The following ABCG1 variants were observed in gnomAD, a reference collection of about 807,000 sequenced individuals.
ABCG1 encodes the protein ATP binding cassette subfamily G member 1.
ABCG1 carries 29 observed loss-of-function variants against 69.2 expected under a neutral mutation model. The observed-to-expected ratio is 0.42, with a 90% CI of 0.31 to 0.57. The LOEUF (loss-of-function observed/expected upper bound fraction) is 0.57. Ranked by LOEUF, ABCG1 falls within the 20% of genes least tolerant of loss-of-function variation. The pLI, the probability that ABCG1 is intolerant of heterozygous loss-of-function variation, is 0.15. For missense variants in ABCG1, 718 were observed against 898.1 expected (o/e 0.80, Z 2.56); for synonymous variants, 370 against 374.8 (o/e 0.99, Z 0.15).
chr21:42,221,722 C>A (rs780911101), intron 1 of ABCG1, among the ~76,000 whole-genome samples: 1 of 152,220 alleles, frequency 6.6e-6, no homozygotes, highest in East Asian at 1.9e-4. Flanking sequence ...AGCAGTGAAC[C>A]AAAGAGAGAA....
Position 42,296,044 on chromosome 21 carries a change from C to G in ABCG1, c.1773-120C>G, listed in dbSNP as rs2069202108. On this transcript the variant is annotated intron_variant, in intron 14 of 14. Transcript: ENST00000398449. This position sits in a 1 kb window ranked among gnomAD's most constrained non-coding sequence, Gnocchi z 5.4. The stretch of plus-strand genomic sequence containing the variant: ...AGGAAGTATTCTGGGGAAGGCGGCC[C>G]TTTGGGAAGGGAGGATAGCCAAGCT... The G allele has an allele frequency of 5.0e-6, 4 of 805,414 alleles. No individual in the cohort carries two copies. The East Asian group carries it at 7.7e-5, about 16-fold the overall frequency. 49.9% of individuals were successfully genotyped at this position (805,414 alleles called of 1,614,324 possible). A position where few individuals can be genotyped will look rare whatever the true frequency, so the allele number is the denominator to read the frequency against.
chr21:42,248,301 G>A (rs879430857), intron 2 of ABCG1, among the ~76,000 whole-genome samples: 7 of 152,214 alleles, frequency 4.6e-5, no homozygotes, highest in Admixed American at 2.0e-4. Flanking sequence ...GAGTGGAGAT[G>A]TGTCTGTTGC....
intron 6 of ABCG1, among the ~76,000 whole-genome samples, chr21:42,282,934 C>T (rs771691655): frequency 7.2e-5 from 11 of 152,222 alleles, no homozygotes; most frequent in South Asian, 2.1e-4. Flanking sequence ...TCTATACCCA[C>T]GGGCGCTCTG....
At chr21:42,227,839 G>GGA (rs147610335) in intron 2 of ABCG1, among the ~76,000 whole-genome samples, 3,149 of 150,640 alleles carry the variant, frequency 0.021, 110 homozygotes, top group African/African-American at 0.072. Context: ...TGGGGTGAGG[G>GGA]GAGAGAGAGA....
chr21:42,262,964 C>T (rs946707738), intron 2 of ABCG1, among the ~76,000 whole-genome samples: 1 of 152,218 alleles, frequency 6.6e-6, no homozygotes, highest in African/African-American at 2.4e-5. Flanking sequence ...CTGGCCCTGC[C>T]TGTGCCTCCT....
Position 42,294,610 on chromosome 21 carries a change from C to T in ABCG1, c.1722C>T (p.Phe574=), listed in dbSNP as rs139692028. The change falls in exon 14 of 15, where the codon TTC becomes TTT. Residue 574 remains phenylalanine, a synonymous_variant. Transcript: ENST00000398449. ...VLLFSGFFVS[F]DTIPTYLQWM... is the part of the protein sequence containing the mutation. The stretch of plus-strand genomic sequence containing the variant: ...TGTTCTCGGGGTTCTTCGTCAGCTT[C>T]GACACCATCCCCACGTACCTACAGT... 635 of 1,614,194 alleles carry T rather than the reference C, an allele frequency of 3.9e-4. 7 individuals carry two copies. In the East Asian group the frequency reaches 0.014, roughly 35 times the overall value.
At chr21:42,215,866 C>T (rs935378436), upstream of ABCG1, among the ~76,000 whole-genome samples, 2 of 152,178 alleles carry the variant, frequency 1.3e-5, no homozygotes, top group Non-Finnish European at 2.9e-5. Context: ...GTTCAGTTTG[C>T]TAATGGTGAC....
At chr21:42,231,049 G>A (rs1349221194) in intron 2 of ABCG1, among the ~76,000 whole-genome samples, 1 of 152,244 alleles carries the variant, frequency 6.6e-6, no homozygotes, top group Non-Finnish European at 1.5e-5. Flanking sequence ...GGTTGCCTTG[G>A]CTGTAAACTG....
chr21:42,234,037 T>C (rs1487874177), intron 2 of ABCG1, among the ~76,000 whole-genome samples: 1 of 152,230 alleles, frequency 6.6e-6, no homozygotes, highest in East Asian at 1.9e-4. Context: ...TTTTTTGTTG[T>C]TGTTGTTTTA....
At chr21:42,274,005 C>T (rs1363244991) in intron 4 of ABCG1, among the ~76,000 whole-genome samples, 1 of 152,214 alleles carries the variant, frequency 6.6e-6, no homozygotes, top group East Asian at 1.9e-4. Flanking sequence ...AATGGAGCTT[C>T]CCCCAGTGAA....
At chr21:42,202,475 G>A (rs1426917575) in intron 2 of ABCG1, among the ~76,000 whole-genome samples, 1 of 152,118 alleles carries the variant, frequency 6.6e-6, no homozygotes, top group African/African-American at 2.4e-5. Context: ...GGGCCGGCAG[G>A]TTAGAGGAGG....
chr21:42,208,687 T>C (rs929032793), intron 2 of ABCG1, among the ~76,000 whole-genome samples: 1 of 152,192 alleles, frequency 6.6e-6, no homozygotes, highest in Non-Finnish European at 1.5e-5. Flanking sequence ...TCAGGGAGCC[T>C]CCATTTTCTT....
chr21:42,295,333 TAAAAAAAAAAAAAAAAAAAAAAAAAAAAA>T (rs60677287), intron 14 of ABCG1: 5 of 59,000 alleles, frequency 8.5e-5, no homozygotes, highest in Admixed American at 2.8e-4. Flanking sequence ...TCCGTCTCAA[TAAAAAAAAAAAAAAAAAAAAAAAAAAAAA>T]AAAAAAAAAA....
chr21:42,251,998 C>T (rs1409363218), intron 2 of ABCG1, among the ~76,000 whole-genome samples: 2 of 152,346 alleles, frequency 1.3e-5, no homozygotes, highest in African/African-American at 2.4e-5. Flanking sequence ...CTCTGCTTGG[C>T]AGCCACCCTG....
intron 1 of ABCG1, among the ~76,000 whole-genome samples, chr21:42,200,877 C>T (rs559747912): frequency 6.6e-6 from 1 of 152,270 alleles, no homozygotes; most frequent in East Asian, 1.9e-4. Flanking sequence ...GCATGAACCA[C>T]CACGCCTGGC....
At position 42,262,848 on chromosome 21, in the gene ABCG1, G is replaced by A. The variant is rs577625344; in HGVS notation, c.287-8222G>A. Among the ~76,000 whole-genome samples, 13 of 152,354 alleles carry A rather than the reference G, an allele frequency of 8.5e-5. No homozygotes were observed. The South Asian group carries it at 2.7e-3, about 32-fold the overall frequency. ...AGAACACAGTAGTCGCTTGCTGTGA[G>A]GCCTAAGCGGAGTGACAGGAGCAAG... is the stretch of plus-strand genomic sequence containing the variant. On this transcript the variant is annotated intron_variant, in intron 2 of 14. Transcript: ENST00000398449.
intron 2 of ABCG1, chr21:42,201,729 G>T (rs770638104): frequency 2.5e-6 from 4 of 1,613,792 alleles, no homozygotes; most frequent in East Asian, 4.5e-5. Context: ...CTCAGGTGTG[G>T]TCAGAAGAGA....
intron 2 of ABCG1, among the ~76,000 whole-genome samples, chr21:42,267,992 C>T (rs911409201): frequency 6.6e-5 from 10 of 152,048 alleles, no homozygotes; most frequent in Non-Finnish European, 1.2e-4. Flanking sequence ...CTGGTCTGGC[C>T]TGGGTTGTGT....
upstream of ABCG1, among the ~76,000 whole-genome samples, chr21:42,212,142 C>A (rs2381038): frequency 0.04 from 6,120 of 152,212 alleles, 403 homozygotes; most frequent in African/African-American, 0.14. Flanking sequence ...GTGAACAATA[C>A]ATTTCTGTTG....
Sources: gnomAD v4.1 joint callset for allele counts (sites outside exome capture counted in the v4.1 genomes callset) on GRCh38, gnomAD v4.1.1 for gene constraint, Gnocchi (gnomAD v3.1) non-coding constraint, MANE v1.5 for transcripts, NCBI Gene and HGNC (gene_info 2026-07-23, HGNC 2026-07-21) for gene names.